The following IPCEF1 variants were observed in gnomAD, a reference collection of about 807,000 sequenced individuals.
IPCEF1 encodes the protein interactor protein for cytohesin exchange factors 1.
A neutral mutation model predicts 50.9 loss-of-function variants in IPCEF1; 31 were observed. The ratio of observed to expected loss-of-function variants is 0.61; its 90% confidence interval spans 0.46 to 0.82. The LOEUF is 0.82. Among genes scored for constraint, IPCEF1 ranks in the 40% least tolerant of loss-of-function variants. The pLI is 0.00. For missense variants in IPCEF1, 458 were observed against 514.0 expected, an observed-to-expected ratio of 0.89 and a Z score of 1.05; for synonymous variants, 181 against 192.0, an observed-to-expected ratio of 0.94 and a Z score of 0.47.
chr6:154,232,819 T>A (rs1173101094), intron 5 of IPCEF1, among the ~76,000 whole-genome samples: 1 of 151,876 alleles, frequency 6.6e-6, no homozygotes, highest in Non-Finnish European at 1.5e-5. Context: ...TTAACATAGA[T>A]GTGTGTAATA....
At position 154,209,788 on chromosome 6, in the gene IPCEF1, T is replaced by C. The variant is rs574463498; in HGVS notation, c.537+2982A>G. Among the ~76,000 whole-genome samples the C allele has an allele frequency of 4.6e-5, 7 of 152,286 alleles. No individual in the cohort carries two copies. In the East Asian group the frequency reaches 1.2e-3, roughly 25 times the overall value. ...AAAAACAAAATCTGTCTGGGAAATA[T>C]GTGATCAGGAGGAACACATTCTGTT... On this transcript the variant is annotated intron_variant, in intron 9 of 11. Transcript: ENST00000367220.
At chr6:154,259,644 C>A (rs6928361) in intron 3 of IPCEF1, among the ~76,000 whole-genome samples, 1 of 152,044 alleles carries the variant, frequency 6.6e-6, no homozygotes, top group Admixed American at 6.5e-5. Flanking sequence ...AAGAGCGAAA[C>A]TCTGTCTAAA....
chr6:154,160,099 A>G (rs1168280953), intron 11 of IPCEF1, 59 bp from the exon 12 acceptor site: 15 of 1,266,394 alleles, frequency 1.2e-5, no homozygotes, highest in Non-Finnish European at 1.7e-5. Context: ...ATTTACATAA[A>G]CCATCTTTAC....
chr6:154,183,346 G>A (rs1269141901), intron 10 of IPCEF1, among the ~76,000 whole-genome samples: 1 of 152,116 alleles, frequency 6.6e-6, no homozygotes, highest in Non-Finnish European at 1.5e-5. Flanking sequence ...TGCAATCTAT[G>A]TACTTGCATA....
chr6:154,285,629 C>A (rs1017468297), intron 2 of IPCEF1, among the ~76,000 whole-genome samples: 7 of 152,112 alleles, frequency 4.6e-5, no homozygotes, highest in Admixed American at 2.6e-4. Context: ...TTTTTGTAAT[C>A]TAGTTGTCCA....
intron 5 of IPCEF1, among the ~76,000 whole-genome samples, chr6:154,230,872 GA>G (rs564167061): frequency 6.7e-5 from 10 of 149,310 alleles, no homozygotes; most frequent in Admixed American, 2.7e-4. Context: ...TTGAATTCAA[GA>G]AAAAAAAACA....
chr6:154,232,553 A>G (rs1178683755), intron 5 of IPCEF1, among the ~76,000 whole-genome samples: 3 of 152,234 alleles, frequency 2.0e-5, no homozygotes, highest in Admixed American at 1.3e-4. Flanking sequence ...ACCAAGACCC[A>G]GCAACCAGTC....
At chr6:154,183,541 C>G (rs576476554) in intron 10 of IPCEF1, among the ~76,000 whole-genome samples, 1 of 152,104 alleles carries the variant, frequency 6.6e-6, no homozygotes, top group Admixed American at 6.6e-5. Flanking sequence ...AGGAGAGGTG[C>G]GCTCTATAGA....
intron 10 of IPCEF1, among the ~76,000 whole-genome samples, chr6:154,193,731 C>T (rs1802138916): frequency 6.6e-6 from 1 of 152,216 alleles, no homozygotes; most frequent in Admixed American, 6.5e-5. Context: ...ACACTTCGGC[C>T]TTGCTGCCAG....
rs1050892467 is a variant in IPCEF1, at chr6:154,344,902, T to C, written c.-62+11770A>G. The stretch of plus-strand genomic sequence containing the variant: ...GGTCTTTTGTTGTTGTTGTTCTTTT[T>C]GGAGATAGGGTTTCACTCTGTCACC... On this transcript the variant is annotated intron_variant, in intron 1 of 11. Coordinates refer to ENST00000367220, the MANE Select transcript of IPCEF1 (RefSeq NM_001130700.2). 1.6e-4 allele frequency among the ~76,000 whole-genome samples: 25 copies of C among 152,250 alleles called. 1 individual carries two copies. Among genetic ancestry groups the C allele is most frequent in the Admixed American group, 1.3e-3 (20 of 15,288 alleles).
chr6:154,350,723 T>A (rs1784106383), intron 1 of IPCEF1, among the ~76,000 whole-genome samples: 1 of 152,018 alleles, frequency 6.6e-6, no homozygotes, highest in Admixed American at 6.6e-5. Flanking sequence ...AATTGGTTAG[T>A]TTTTTTATTT....
At chr6:154,189,374 T>C (rs1801662760) in intron 10 of IPCEF1, among the ~76,000 whole-genome samples, 1 of 152,220 alleles carries the variant, frequency 6.6e-6, no homozygotes, top group Non-Finnish European at 1.5e-5. Flanking sequence ...CAATTCCATT[T>C]CCAGGTGTAT....
intron 3 of IPCEF1, among the ~76,000 whole-genome samples, chr6:154,260,359 T>C (rs780725000): frequency 1.3e-5 from 2 of 152,196 alleles, no homozygotes; most frequent in African/African-American, 2.4e-5. Flanking sequence ...AGGAACTATG[T>C]ATAACAGTAA....
At chr6:154,292,196 C>T (rs1338605538) in intron 1 of IPCEF1, among the ~76,000 whole-genome samples, 1 of 152,120 alleles carries the variant, frequency 6.6e-6, no homozygotes, top group Non-Finnish European at 1.5e-5. Context: ...GCCTAACACC[C>T]CTCAATATGG....
chr6:154,264,777 A>G (rs1174645290), intron 3 of IPCEF1, among the ~76,000 whole-genome samples: 2 of 152,044 alleles, frequency 1.3e-5, no homozygotes, highest in African/African-American at 2.4e-5. Context: ...TGCCTTTTCA[A>G]TTTCTGGGAT....
rs1235493055 is a variant in IPCEF1 at position 154,168,422 on chromosome 6, A to C, written c.911-309T>G. 6.6e-6 allele frequency among the ~76,000 whole-genome samples: 1 copy of C among 151,906 alleles called. No homozygotes were observed. Among genetic ancestry groups the C allele is most frequent in the Non-Finnish European group, 1.5e-5 (1 of 67,996 alleles). On this transcript the variant is annotated intron_variant, in intron 10 of 11. Transcript: ENST00000367220. This position sits in a 1 kb window ranked among gnomAD's most constrained non-coding sequence, Gnocchi z 4.1. Reference sequence around the variant, plus strand: ...TTCACATGGGGTGTTCCCTGCATGCATGTCTCTGTGTCCAAACTCCCCCTA... The same window carrying C: ...TTCACATGGGGTGTTCCCTGCATGCCTGTCTCTGTGTCCAAACTCCCCCTA...
At chr6:154,300,623 C>CA (rs910076367) in intron 1 of IPCEF1, among the ~76,000 whole-genome samples, 5 of 151,846 alleles carry the variant, frequency 3.3e-5, no homozygotes, top group South Asian at 2.1e-4. Flanking sequence ...CTAAAAACAA[C>CA]AAAAAAACAC....
chr6:154,319,461 A>G (rs1583984646), intron 1 of IPCEF1, among the ~76,000 whole-genome samples: 1 of 152,228 alleles, frequency 6.6e-6, no homozygotes, highest in East Asian at 1.9e-4. Flanking sequence ...TTTTTTAAAT[A>G]TATTTGTTCA....
chr6:154,239,726 C>T (rs576099569), intron 5 of IPCEF1, among the ~76,000 whole-genome samples: 5 of 152,046 alleles, frequency 3.3e-5, no homozygotes, highest in East Asian at 3.9e-4. Context: ...TTTTTTGAGA[C>T]GCAGTCTCGC....
Sources: gnomAD v4.1 joint callset for allele counts (sites outside exome capture counted in the v4.1 genomes callset) on GRCh38, gnomAD v4.1.1 for gene constraint, Gnocchi (gnomAD v3.1) non-coding constraint, MANE v1.5 for transcripts, NCBI Gene and HGNC (gene_info 2026-07-23, HGNC 2026-07-21) for gene names.